The following CAVIN1 variants were observed in gnomAD, a reference collection of about 807,000 sequenced individuals.
CAVIN1 encodes the protein caveolae associated protein 1, also known as caveolae-associated protein 1.
In CAVIN1, 16 loss-of-function variants were observed where a neutral mutation model predicts 24.0. The observed-to-expected ratio is 0.67, with a 90% CI of 0.45 to 1.01. CAVIN1 has a LOEUF of 1.01. Ranked by LOEUF, CAVIN1 falls within the 50% of genes least tolerant of loss-of-function variation. The pLI, the probability that CAVIN1 is intolerant of heterozygous loss-of-function variation, is 0.00. For missense variants in CAVIN1, 510 were observed against 551.7 expected, an observed-to-expected ratio of 0.92 and a Z score of 0.76; for synonymous variants, 256 against 256.4, an observed-to-expected ratio of 1.00 and a Z score of 0.02.
At chr17:42,416,079 A>G (rs1480730410) in intron 1 of CAVIN1, among the ~76,000 whole-genome samples, 2 of 152,146 alleles carry the variant, frequency 1.3e-5, no homozygotes. Context: ...TCTAGAAAAA[A>G]CATTTAGGCT....
intron 1 of CAVIN1, among the ~76,000 whole-genome samples, chr17:42,407,352 T>A (rs6503700): frequency 0.94 from 143,302 of 152,094 alleles, 68,072 homozygotes; most frequent in East Asian, 1. Context: ...CCCTAAGAAA[T>A]TAAGGCAACA....
chr17:42,405,008 G>C lies in CAVIN1; in HGVS notation c.852C>G (p.Ala284=). 6.2e-7 allele frequency: 1 copy of C among 1,614,154 alleles called. No individual in the cohort carries two copies. The highest frequency in any genetic ancestry group is 8.5e-7 in the Non-Finnish European group (1 of 1,180,004). Residue 284 remains alanine (A), a synonymous_variant, in exon 2 of 2, where the codon GCC becomes GCG. Transcript: ENST00000357037. The part of the protein sequence containing the change: ...MNKLGTRLVP[A]ERREKLKTSR... ...ACGTCTTCAGTTTCTCGCGCCGCTCGGCGGGCACCAGGCGCGTGCCCAGCT... is the reference window on the plus strand; with the variant it reads ...ACGTCTTCAGTTTCTCGCGCCGCTCCGCGGGCACCAGGCGCGTGCCCAGCT...
chr17:42,418,329 T>G (rs774172890), intron 1 of CAVIN1, among the ~76,000 whole-genome samples: 5 of 151,694 alleles, frequency 3.3e-5, no homozygotes, highest in Non-Finnish European at 5.9e-5. Context: ...CCTCCTGGGT[T>G]CAAGTGATTC....
chr17:42,411,192 CAAAA>C (rs71157624), intron 1 of CAVIN1, among the ~76,000 whole-genome samples: 1 of 46,640 alleles, frequency 2.1e-5, no homozygotes, highest in South Asian at 1.7e-3. Context: ...GACTATGTCT[CAAAA>C]AAAAAAAAAA....
At chr17:42,411,844 C>A (rs555018947) in intron 1 of CAVIN1, 1 of 985,402 alleles carries the variant, frequency 1.0e-6, no homozygotes, top group South Asian at 4.7e-5. Context: ...AGGCCCCTTC[C>A]ATTCCCCTCC....
At chr17:42,418,118 T>G (rs1262753270) in intron 1 of CAVIN1, among the ~76,000 whole-genome samples, 1 of 152,146 alleles carries the variant, frequency 6.6e-6, no homozygotes, top group Non-Finnish European at 1.5e-5. Context: ...TAGGCTATAC[T>G]GTTTAGGTTT....
intron 1 of CAVIN1, among the ~76,000 whole-genome samples, chr17:42,422,214 C>T (rs1417229836): frequency 2.0e-5 from 3 of 152,156 alleles, no homozygotes; most frequent in South Asian, 4.1e-4. Context: ...TACAGCGGAC[C>T]CCAACGATCG....
At chr17:42,410,637 G>A (rs752211867) in intron 1 of CAVIN1, among the ~76,000 whole-genome samples, 3 of 152,086 alleles carry the variant, frequency 2.0e-5, no homozygotes, top group African/African-American at 7.2e-5. Flanking sequence ...AAAGGGGCCG[G>A]GTGCTGTGGC....
chr17:42,404,726 C>T lies in CAVIN1; in HGVS notation c.1134G>A (p.Glu378=). Residue 378 remains glutamate, a synonymous_variant, in exon 2 of 2, where the codon GAG becomes GAA. Transcript: ENST00000357037. ...TCTTGTCCACCAGCACGGCGTCCGA[C>T]TCCTCGGTGATCTCCAGCAGCGCGT... ...DVHALLEITE[E]SDAVLVDKSD... is the part of the protein sequence containing the mutation. 1 of 1,497,528 alleles carries T rather than the reference C, an allele frequency of 6.7e-7. No individual in the cohort carries two copies. Among genetic ancestry groups the T allele is most frequent in the Non-Finnish European group, 8.9e-7 (1 of 1,129,766 alleles). 92.8% of individuals were successfully genotyped at this position (1,497,528 alleles called of 1,614,324 possible).
chr17:42,416,461 G>C (rs1290524954), intron 1 of CAVIN1, among the ~76,000 whole-genome samples: 1 of 151,744 alleles, frequency 6.6e-6, no homozygotes, highest in East Asian at 1.9e-4. Flanking sequence ...ATGGTGGCTT[G>C]TGCCTGTAGT....
In CAVIN1 at chr17:42,405,259, G is replaced by C; in HGVS notation, c.601C>G (p.Leu201Val). The stretch of plus-strand genomic sequence containing the variant: ...ACCTCCACCGCCTCGTCCGACGAAA[G>C]CTCCAGCGCCGCTGCGTCCTCCTCG... ...RPEEDAAALE[L>V]SSDEAVEVEE... Residue 201 changes from leucine to valine, a missense_variant, in exon 2 of 2, where the codon CTT becomes GTT. Physicochemically the swap from Leu to Val is conservative, Grantham distance 32. Coordinates refer to ENST00000357037, the MANE Select transcript of CAVIN1 (RefSeq NM_012232.6). The C allele has an allele frequency of 6.2e-7, 1 of 1,613,470 alleles. No homozygotes were observed. Among genetic ancestry groups the C allele is most frequent in the African/African-American group, 1.3e-5 (1 of 75,020 alleles).
intron 1 of CAVIN1, among the ~76,000 whole-genome samples, chr17:42,418,213 T>C (rs1598578922): frequency 1.3e-5 from 2 of 151,168 alleles, no homozygotes; most frequent in East Asian, 1.9e-4. Flanking sequence ...CATTAAGCAA[T>C]GCGTGACTGT....
chr17:42,414,439 A>G (rs1029425826), intron 1 of CAVIN1, among the ~76,000 whole-genome samples: 1 of 151,708 alleles, frequency 6.6e-6, no homozygotes, highest in African/African-American at 2.4e-5. Flanking sequence ...GAGTCTCTCT[A>G]TGCTGTCCAA....
At chr17:42,421,364 C>G (rs562460235) in intron 1 of CAVIN1, among the ~76,000 whole-genome samples, 1 of 152,304 alleles carries the variant, frequency 6.6e-6, no homozygotes, top group African/African-American at 2.4e-5. Context: ...CCACAACTCC[C>G]GGAAAGGGGT....
rs895092651 is a variant in CAVIN1 at position 42,410,672 on chromosome 17, G to A, written c.472-5284C>T. On this transcript the variant is annotated intron_variant, in intron 1 of 1. Transcript: ENST00000357037. ...CTCAAGGCTGTAATCCCAGCACTTT[G>A]GGAGGCCGAGGTGGGCAGATTACGA... Among the ~76,000 whole-genome samples, 10 of 152,192 alleles carry A rather than the reference G, an allele frequency of 6.6e-5. No individual in the cohort carries two copies. In the East Asian group the frequency reaches 1.9e-3, roughly 29 times the overall value.
Position 42,404,638 on chromosome 17 carries a change from AGGAAGTTC to A in CAVIN1, c.*41_*48del. ...CTCGAGCCGAGAGAGAATGCGAAAG[AGGAAGTTC>A]GGAAGGAGCGAGGAATGGGGTGGGT... On this transcript the variant is annotated 3_prime_UTR_variant, in exon 2 of 2. Transcript: ENST00000357037. 8.0e-7 allele frequency: 1 copy of A among 1,251,398 alleles called. No individual in the cohort carries two copies. Among genetic ancestry groups the A allele is most frequent in the South Asian group, 1.7e-5 (1 of 59,992 alleles). 77.5% of individuals were successfully genotyped at this position (1,251,398 alleles called of 1,614,324 possible). A position where few individuals can be genotyped will look rare whatever the true frequency, so the allele number is the denominator to read the frequency against.
rs796971909 is a variant in CAVIN1 at position 42,413,563 on chromosome 17, AGGG to A, written c.472-8178_472-8176del. Among the ~76,000 whole-genome samples the A allele has an allele frequency of 2.2e-3, 160 of 71,786 alleles. 1 individual carries two copies. The highest frequency in any genetic ancestry group is 3.1e-3 in the Non-Finnish European group (108 of 35,142). 47.1% of individuals were successfully genotyped at this position (71,786 alleles called of 152,430 possible). A position where few individuals can be genotyped will look rare whatever the true frequency, so the allele number is the denominator to read the frequency against. On this transcript the variant is annotated intron_variant, in intron 1 of 1. Coordinates refer to ENST00000357037, the MANE Select transcript of CAVIN1 (RefSeq NM_012232.6). ...GACAGAGCAAAAGTCTGTCTCAAAA[AGGG>A]AAAAAAAAAAAAAAAAAAAAAAAAA...
chr17:42,419,173 A>G (rs8079484), intron 1 of CAVIN1, among the ~76,000 whole-genome samples: 127,055 of 151,990 alleles, frequency 0.84, 54,584 homozygotes, highest in East Asian at 0.98. Flanking sequence ...CTCCAGCTTG[A>G]GCAACAGAGT....
intron 1 of CAVIN1, among the ~76,000 whole-genome samples, chr17:42,420,241 G>A (rs1250949137): frequency 6.6e-6 from 1 of 152,136 alleles, no homozygotes; most frequent in Non-Finnish European, 1.5e-5. Context: ...CCCTTCAGCC[G>A]GACTTTACCA....
Sources: gnomAD v4.1 joint callset for allele counts (sites outside exome capture counted in the v4.1 genomes callset) on GRCh38, gnomAD v4.1.1 for gene constraint, MANE v1.5 for transcripts, NCBI Gene and HGNC (gene_info 2026-07-23, HGNC 2026-07-21) for gene names.